The following TRIM63 variants were observed in gnomAD, a reference collection of about 807,000 sequenced individuals.
TRIM63 encodes tripartite motif containing 63, also known as E3 ubiquitin-protein ligase TRIM63.
TRIM63 carries 48 observed loss-of-function variants against 46.0 expected under a neutral mutation model. That is an observed-to-expected ratio of 1.04 (90% CI 0.83 to 1.33). The LOEUF (loss-of-function observed/expected upper bound fraction) is 1.33. TRIM63 is among the 40% of genes most tolerant of loss of function. The pLI, the probability that TRIM63 is intolerant of heterozygous loss-of-function variation, is 0.00. For synonymous variants in TRIM63, 175 were observed against 162.8 expected (o/e 1.08, Z -0.57); for missense variants, 455 against 441.2 (o/e 1.03, Z -0.28).
chr1:26,060,990 A>G (rs1249647483), intron 3 of TRIM63, among the ~76,000 whole-genome samples, 176 bp downstream of exon 3: 1 of 152,184 alleles, frequency 6.6e-6, no homozygotes, highest in African/African-American at 2.4e-5. Context: ...CCATGAGCTC[A>G]GCTGCCTCCC....
chr1:26,067,346 T>A lies in TRIM63; in HGVS notation c.149A>T (p.Asp50Val). The A allele has an allele frequency of 6.2e-7, 1 of 1,614,046 alleles. No individual in the cohort carries two copies. The highest frequency in any genetic ancestry group is 8.5e-7 in the Non-Finnish European group (1 of 1,180,014). ...GCACCCGGCACTTACCTGGAAGATG[T>A]CATTGGCACACTTCCGGCACAGGTT... ...QHNLCRKCAN[D>V]IFQAANPYWT... The change falls in exon 1 of 9, where the codon GAC becomes GTC. Residue 50 changes from aspartate (D) to valine (V), a missense_variant. Coordinates refer to ENST00000374272, the MANE Select transcript of TRIM63 (RefSeq NM_032588.4).
intron 7 of TRIM63, among the ~76,000 whole-genome samples, chr1:26,055,714 T>C (rs1340425553): frequency 6.6e-6 from 1 of 152,154 alleles, no homozygotes; most frequent in Non-Finnish European, 1.5e-5. Flanking sequence ...TTTCTCCGTG[T>C]TGGTCAGGCT....
At chr1:26,054,543 A>G (rs2050551814) in intron 7 of TRIM63, among the ~76,000 whole-genome samples, 1 of 151,630 alleles carries the variant, frequency 6.6e-6, no homozygotes. Flanking sequence ...TCATGTCCCC[A>G]CTTTTTTATC....
intron 8 of TRIM63, among the ~76,000 whole-genome samples, 154 bp from the exon 9 acceptor site, chr1:26,052,037 T>C (rs940894675): frequency 6.6e-6 from 1 of 152,202 alleles, no homozygotes; most frequent in Non-Finnish European, 1.5e-5. Context: ...CAAAATAGAA[T>C]TTAGCTGCCC....
chr1:26,066,284 T>C lies in TRIM63; in HGVS notation c.316A>G (p.Lys106Glu), dbSNP rs2050676438. The C allele has an allele frequency of 1.2e-6, 2 of 1,614,090 alleles. No individual in the cohort carries two copies. Among genetic ancestry groups the C allele is most frequent in the Non-Finnish European group, 1.7e-6 (2 of 1,180,000 alleles). ...AGAACCGACCTGGAGCACTCCTGTTTGTAGATGTCGATGATGTTCTCCACC... is the reference window on the plus strand; with the variant it reads ...AGAACCGACCTGGAGCACTCCTGTTCGTAGATGTCGATGATGTTCTCCACC... ...LLVENIIDIY[K>E]QECSSRPLQK... The change falls in exon 2 of 9, where the codon AAA (lysine) becomes GAA (glutamate). Residue 106 changes from lysine (K) to glutamate (E), a missense_variant. Coordinates refer to ENST00000374272, the MANE Select transcript of TRIM63 (RefSeq NM_032588.4).
intron 4 of TRIM63, among the ~76,000 whole-genome samples, chr1:26,059,023 C>CTTTTT (rs986591996): frequency 4.3e-5 from 5 of 116,940 alleles, no homozygotes; most frequent in African/African-American, 1.0e-4. Flanking sequence ...CTCTGTTGCC[C>CTTTTT]TTTTTTTTTT....
In TRIM63 at chr1:26,061,142, G is replaced by A. The variant is rs200199578; in HGVS notation, c.501+24C>T. 152 of 1,609,550 alleles carry A rather than the reference G, an allele frequency of 9.4e-5. 1 individual carries two copies. The South Asian group carries it at 1.1e-3, about 11-fold the overall frequency. ...CCGTGCCCAGCAGGCCCAGGCTGGG[G>A]GTAAAAGTGGCTGGAGACAGTACCT... On this transcript the variant is annotated intron_variant, in intron 3 of 8. Coordinates refer to ENST00000374272, the MANE Select transcript of TRIM63 (RefSeq NM_032588.4).
chr1:26,057,456 C>T, intron 6 of TRIM63, 129 bp from the exon 7 acceptor site: 1 of 1,427,066 alleles, frequency 7.0e-7, no homozygotes, highest in South Asian at 1.4e-5. Context: ...AGTATTTCCT[C>T]TCCAACCTCA....
At chr1:26,063,056 C>CTTTGTTTGTTTGTTTG (rs71004562) in intron 2 of TRIM63, among the ~76,000 whole-genome samples, 2 of 149,438 alleles carry the variant, frequency 1.3e-5, no homozygotes, top group African/African-American at 4.9e-5. Context: ...AGCACCCAGC[C>CTTTGTTTGTTTGTTTG]TTTGTTTGTT....
At chr1:26,059,899 T>C (rs971818951) in intron 4 of TRIM63, among the ~76,000 whole-genome samples, 2 of 152,204 alleles carry the variant, frequency 1.3e-5, no homozygotes, top group Non-Finnish European at 2.9e-5. Context: ...CAGCGTAATT[T>C]TCACGCACTT....
At chr1:26,057,176 G>C (rs778579355) in intron 7 of TRIM63, 27 bp downstream of exon 7, 102 of 1,613,504 alleles carry the variant, frequency 6.3e-5, no homozygotes, top group Admixed American at 2.5e-4. Flanking sequence ...CAGGCAAATA[G>C]ACAAGTGGCA....
At chr1:26,061,811 G>A (rs1427136524) in intron 2 of TRIM63, among the ~76,000 whole-genome samples, 1 of 152,190 alleles carries the variant, frequency 6.6e-6, no homozygotes, top group Non-Finnish European at 1.5e-5. Flanking sequence ...GCTGGGCTCT[G>A]AGCTGAGAAA....
rs1488259738 is a variant in TRIM63, at chr1:26,067,392, C to T, written c.103G>A (p.Val35Ile). Residue 35 changes from valine to isoleucine, a missense_variant, in exon 1 of 9, where the codon GTC becomes ATC. By Grantham distance (29) the Val-to-Ile change is conservative (BLOSUM62 3). Transcript: ENST00000374272. Reference protein sequence around the residue: ...ICLEMFTKPVVILPCQHNLCR... With the variant: ...ICLEMFTKPVIILPCQHNLCR... Reference sequence around the variant, plus strand: ...AGGTTGTGCTGGCACGGCAAGATGACCACTGGCTTGGTAAACATCTCCAGG... The same window carrying T: ...AGGTTGTGCTGGCACGGCAAGATGATCACTGGCTTGGTAAACATCTCCAGG... 1.5e-5 allele frequency: 25 copies of T among 1,614,068 alleles called. No homozygotes were observed. The highest frequency in any genetic ancestry group is 2.1e-5 in the Non-Finnish European group (25 of 1,180,036).
intron 1 of TRIM63, 152 bp from the exon 2 acceptor site, chr1:26,066,592 C>T: frequency 1.5e-6 from 1 of 658,604 alleles, no homozygotes; most frequent in South Asian, 2.4e-5. Flanking sequence ...AACCAGTCCT[C>T]ACACACAGAG....
At chr1:26,057,365 C>CT (rs2050582737) in intron 6 of TRIM63, 38 bp from the exon 7 acceptor site, 1 of 1,611,424 alleles carries the variant, frequency 6.2e-7, no homozygotes, top group Admixed American at 1.7e-5. Flanking sequence ...GATGAGGTCT[C>CT]TGGGGCTCAG....
chr1:26,062,750 T>C (rs932325564), intron 2 of TRIM63, among the ~76,000 whole-genome samples: 10 of 152,148 alleles, frequency 6.6e-5, no homozygotes, highest in East Asian at 3.9e-4. Flanking sequence ...CCTAGATTCA[T>C]TGGGGCCTGG....
In TRIM63 at chr1:26,060,371, G is replaced by A. The variant is rs776912504; in HGVS notation, c.502-10C>T. The A allele has an allele frequency of 6.2e-7, 1 of 1,611,310 alleles. No homozygotes were observed. Among genetic ancestry groups the A allele is most frequent in the African/African-American group, 1.3e-5 (1 of 74,840 alleles). On this transcript the variant is annotated splice_polypyrimidine_tract_variant and intron_variant, in intron 3 of 8. Coordinates refer to ENST00000374272, the MANE Select transcript of TRIM63 (RefSeq NM_032588.4). ...AGTTATTCAGTTCAGTCTAGATGGG[G>A]GTGTGGGGGTCAGGAGAGGAGAGAC...
chr1:26,065,017 T>TTGTGTG lies in TRIM63; in HGVS notation c.332+1245_332+1250dup, dbSNP rs147938449. On this transcript the variant is annotated intron_variant, in intron 2 of 8. Transcript: ENST00000374272. ...TCCCAAATTTTTGTGTTGTGTTGTG[T>TTGTGTG]TGTGTGTGTGTGTGTGTGTGTGTTT... Among the ~76,000 whole-genome samples the TTGTGTG allele has an allele frequency of 1.3e-3, 197 of 149,680 alleles. 2 individuals are homozygous for TTGTGTG. The highest frequency in any genetic ancestry group is 4.5e-3 in the African/African-American group (183 of 40,908).
At chr1:26,060,396 C>T (rs1403785733) in intron 3 of TRIM63, 35 bp from the exon 4 acceptor site, 1 of 1,554,160 alleles carries the variant, frequency 6.4e-7, no homozygotes, top group Non-Finnish European at 8.9e-7. Flanking sequence ...AGAGGAGAGA[C>T]ACAAATAGCC....
Sources: gnomAD v4.1 joint callset for allele counts (sites outside exome capture counted in the v4.1 genomes callset) on GRCh38, gnomAD v4.1.1 for gene constraint, MANE v1.5 for transcripts, NCBI Gene and HGNC (gene_info 2026-07-23, HGNC 2026-07-21) for gene names.